Variants in MACF1 observed in about 807,000 individuals in gnomAD.
MACF1 encodes microtubule actin crosslinking factor 1.
A neutral mutation model predicts 854.8 loss-of-function variants in MACF1; 193 were observed. The observed-to-expected ratio is 0.23, with a 90% CI of 0.20 to 0.25. The LOEUF (loss-of-function observed/expected upper bound fraction) is 0.25, where lower values mean the gene tolerates loss of function less well. Among genes scored for constraint, MACF1 ranks in the 10% least tolerant of loss-of-function variants. The pLI, the probability that MACF1 is intolerant of heterozygous loss-of-function variation, is 1.00. For synonymous variants in MACF1, 3,185 were observed against 3,226.7 expected (o/e 0.99, Z 0.44); for missense variants, 7,722 against 8,929.1 (o/e 0.86, Z 5.45).
At chr1:39,222,880 T>G (rs905381) in intron 1 of MACF1, among the ~76,000 whole-genome samples, 24,407 of 152,178 alleles carry the variant, frequency 0.16, 2,434 homozygotes, top group Middle Eastern at 0.22. Flanking sequence ...CACTTGTTTT[T>G]TGAATGGTTC....
intron 40 of MACF1, among the ~76,000 whole-genome samples, chr1:39,342,228 C>T (rs1646950163): frequency 6.6e-6 from 1 of 152,176 alleles, no homozygotes; most frequent in Middle Eastern, 3.4e-3. Context: ...AGGATATGAT[C>T]TCGTTCTTTC....
intron 2 of MACF1, among the ~76,000 whole-genome samples, chr1:39,165,411 C>G (rs901356543): frequency 3.3e-5 from 5 of 152,256 alleles, no homozygotes; most frequent in Non-Finnish European, 7.4e-5. Flanking sequence ...TAATTGTATA[C>G]TTTTTAGGCT....
rs1488065695 is a variant in MACF1 at position 39,481,034 on chromosome 1, G to A, written c.22281+4G>A. 1 of 1,540,680 alleles carries A rather than the reference G, an allele frequency of 6.5e-7. No individual in the cohort carries two copies. On this transcript the variant is annotated splice_donor_region_variant and intron_variant, in intron 99 of 100. Coordinates refer to ENST00000564288, the MANE Select transcript of MACF1 (RefSeq NM_001394062.1). ...CCTCCAGCTGCCCACCCCCGAGGTA[G>A]AGTATGGCTTTGCTGACTGAGGACA...
At chr1:39,430,103 G>C (rs147833547) in intron 65 of MACF1, 35 bp downstream of exon 65, 18 of 1,584,746 alleles carry the variant, frequency 1.1e-5, no homozygotes, top group East Asian at 2.2e-5. Flanking sequence ...AGAAAAAAAG[G>C]CTTCCTCTTT....
chr1:39,479,203 A>C (rs1160426977), intron 97 of MACF1, among the ~76,000 whole-genome samples: 1 of 152,054 alleles, frequency 6.6e-6, no homozygotes, highest in Non-Finnish European at 1.5e-5. Context: ...CTCACTAGCA[A>C]GTTTTGTGCA....
chr1:39,205,793 A>T (rs1644443336), intron 1 of MACF1, among the ~76,000 whole-genome samples: 3 of 160 alleles, frequency 0.019, no homozygotes, highest in South Asian at 0.33. Flanking sequence ...TTGATAATTA[A>T]AAAAAAAATT....
In MACF1 at chr1:39,452,339, G is replaced by A. The variant is rs1331820497; in HGVS notation, c.20602G>A (p.Ala6868Thr). 7 of 1,613,344 alleles carry A rather than the reference G, an allele frequency of 4.3e-6. No homozygotes were observed. The highest frequency in any genetic ancestry group is 5.1e-6 in the Non-Finnish European group (6 of 1,179,634). The part of the protein sequence containing the change: ...SVSKQSRLEQ[A>T]LKQAEVFRDT... Reference sequence around the variant, plus strand: ...TTCCAAACAAAGCCGGCTTGAGCAGGCCTTAAAACAAGTAAGGGATATTTG... The same window carrying A: ...TTCCAAACAAAGCCGGCTTGAGCAGACCTTAAAACAAGTAAGGGATATTTG... The change falls in exon 86 of 101, where the codon GCC (alanine) becomes ACC (threonine). Residue 6868 changes from alanine to threonine, a missense_variant. Ala to Thr is a moderately conservative substitution (Grantham distance 58). This residue lies in a region of MACF1 where 729 missense variants were observed against 900.5 expected (regional missense o/e 0.81). Transcript: ENST00000564288.
At chr1:39,470,358 T>TA (rs1332445282) in intron 97 of MACF1, among the ~76,000 whole-genome samples, 2 of 152,112 alleles carry the variant, frequency 1.3e-5, no homozygotes, top group Non-Finnish European at 2.9e-5. Flanking sequence ...GTTCCTTTTT[T>TA]AAAAAAATTG....
chr1:39,442,219 A>C lies in MACF1; in HGVS notation c.18847A>C (p.Lys6283Gln), dbSNP rs138510628. ...KLNHQGELMLKKATDETDRDI... is the reference protein window; with the variant it reads ...KLNHQGELMLQKATDETDRDI... ...TAATCACCAGGGTGAACTGATGTTA[A>C]AGAAAGCTACTGATGAGACGGACAG... The change falls in exon 76 of 101, where the codon AAG becomes CAG. Residue 6283 changes from lysine to glutamine, a missense_variant. Physicochemically the swap from Lys to Gln is moderately conservative, Grantham distance 53. Transcript: ENST00000564288. 17 of 1,609,992 alleles carry C rather than the reference A, an allele frequency of 1.1e-5. No individual in the cohort carries two copies. In the African/African-American group the frequency reaches 1.7e-4, roughly 16 times the overall value.
At position 39,094,445 on chromosome 1, in the gene MACF1, C is replaced by T. The variant is rs184556656; in HGVS notation, c.220+10007C>T. Among the ~76,000 whole-genome samples, 98 of 150,646 alleles carry T rather than the reference C, an allele frequency of 6.5e-4. 1 individual carries two copies. Among genetic ancestry groups the T allele is most frequent in the Middle Eastern group, 6.8e-3 (2 of 292 alleles). ...AAGAAAAAAGAAAGAAATCGGGCCG[C>T]GCATGGTGGCTCACGCCTGTAATCC... On this transcript the variant is annotated intron_variant, in intron 2 of 93. Coordinates refer to the MACF1 transcript ENST00000361689.
intron 97 of MACF1, among the ~76,000 whole-genome samples, chr1:39,472,077 A>G (rs1452978437): frequency 6.6e-6 from 1 of 152,134 alleles, no homozygotes; most frequent in African/African-American, 2.4e-5. Flanking sequence ...AATGAACTGA[A>G]CTTGAGGTGG....
In MACF1 at chr1:39,448,101, A is replaced by G; in HGVS notation, c.20037A>G (p.Leu6679=). 4 of 1,614,050 alleles carry G rather than the reference A, an allele frequency of 2.5e-6. No homozygotes were observed. Among genetic ancestry groups the G allele is most frequent in the Non-Finnish European group, 3.4e-6 (4 of 1,179,880 alleles). ...EDAESHLDSE[L]EISNDPDKIK... is the part of the protein sequence containing the mutation. ...CAGAGAGTCACCTGGACTCAGAACT[A>G]GAGATATCCAATGACCCAGACAAAA... Residue 6679 remains leucine, a synonymous_variant, in exon 83 of 101, where the codon CTA becomes CTG. Transcript: ENST00000564288.
chr1:39,330,701 T>C (rs955373269), intron 36 of MACF1, among the ~76,000 whole-genome samples: 2 of 152,216 alleles, frequency 1.3e-5, no homozygotes, highest in African/African-American at 2.4e-5. Flanking sequence ...AACTCTTTTT[T>C]AGTCTTAACA....
Position 39,331,753 on chromosome 1 carries a change from A to G in MACF1, c.5165A>G (p.Glu1722Gly). The G allele has an allele frequency of 6.2e-7, 1 of 1,614,172 alleles. No homozygotes were observed. The change falls in exon 37 of 101, where the codon GAA becomes GGA. Residue 1722 changes from glutamate (E) to glycine (G), a missense_variant. Glu to Gly is a moderately conservative substitution (Grantham distance 98). This residue lies in a region of MACF1 where 1,531 missense variants were observed against 1,601.6 expected (regional missense o/e 0.96). Transcript: ENST00000564288. ...ATGCAGCGATGTATTGTCCACCAGG[A>G]ATCAGGATTCAAATTACTGCCTGTC... ...DLMQRCIVHQ[E>G]SGFKLLPVKQ...
intron 61 of MACF1, among the ~76,000 whole-genome samples, chr1:39,426,943 A>G (rs548666152): frequency 1.3e-5 from 2 of 152,288 alleles, no homozygotes; most frequent in South Asian, 2.1e-4. Flanking sequence ...GTTCTAGTTC[A>G]TAGGCAATAT....
At chr1:39,284,266 T>C in intron 10 of MACF1, 67 bp from the exon 11 acceptor site, 1 of 1,567,686 alleles carries the variant, frequency 6.4e-7, no homozygotes, top group Non-Finnish European at 8.6e-7. Context: ...GGCTTCTAGG[T>C]GAGGTGGTAT....
chr1:39,316,654 A>C, intron 28 of MACF1, 125 bp downstream of exon 28: 1 of 863,256 alleles, frequency 1.2e-6, no homozygotes, highest in Non-Finnish European at 1.7e-6. Flanking sequence ...GCAGAATGTC[A>C]TTAAATATAT....
chr1:39,359,349 A>C (rs966669099), intron 47 of MACF1, 85 bp downstream of exon 47: 1 of 1,472,198 alleles, frequency 6.8e-7, no homozygotes, highest in African/African-American at 1.4e-5. Flanking sequence ...GTGTTGTGCA[A>C]ATATCTGTGG....
At chr1:39,301,753 A>G (rs1228253579) in intron 22 of MACF1, among the ~76,000 whole-genome samples, 1 of 152,016 alleles carries the variant, frequency 6.6e-6, no homozygotes, top group South Asian at 2.1e-4. Flanking sequence ...CCTTTAAATA[A>G]CAATCCTATG....
Sources: gnomAD v4.1 joint callset for allele counts (sites outside exome capture counted in the v4.1 genomes callset) on GRCh38, gnomAD v4.1.1 for gene constraint, gnomAD v4.1.1 regional missense constraint, MANE v1.5 for transcripts, NCBI Gene and HGNC (gene_info 2026-07-23, HGNC 2026-07-21) for gene names.